The following LTBP2 variants were observed in gnomAD, a reference collection of about 807,000 sequenced individuals.
LTBP2 encodes latent transforming growth factor beta binding protein 2, also known as latent-transforming growth factor beta-binding protein 2.
LTBP2 carries 103 observed loss-of-function variants against 210.6 expected under a neutral mutation model. The observed-to-expected ratio is 0.49, with a 90% CI of 0.42 to 0.58. The LOEUF is 0.58. Among genes scored for constraint, LTBP2 ranks in the 20% least tolerant of loss-of-function variants. The probability of loss-of-function intolerance (pLI) is 0.00; values close to 1 mark genes in which losing one functional copy is unlikely to be tolerated. For synonymous variants in LTBP2, 1,007 were observed against 1,015.0 expected (o/e 0.99, Z 0.15); for missense variants, 2,313 against 2,494.5 (o/e 0.93, Z 1.55).
In LTBP2 at chr14:74,500,753, A is replaced by G. The variant is rs1451217188; in HGVS notation, c.*131T>C. ...GCCAGAGGCTAAGCTGGGAGAGATG[A>G]AAGCAGGCAAGGCTGATTGGAAACC... On this transcript the variant is annotated 3_prime_UTR_variant, in exon 36 of 36. Transcript: ENST00000261978. 2.1e-5 allele frequency: 27 copies of G among 1,263,424 alleles called. No individual in the cohort carries two copies. The highest frequency in any genetic ancestry group is 2.4e-5 in the Non-Finnish European group (21 of 872,244). 78.3% of individuals were successfully genotyped at this position (1,263,424 alleles called of 1,614,324 possible).
chr14:74,525,021 G>T (rs1054147452), intron 15 of LTBP2, 103 bp downstream of exon 15: 1 of 573,122 alleles, frequency 1.7e-6, no homozygotes, highest in Non-Finnish European at 2.9e-6. Context: ...AGTTGGAAAG[G>T]TGAGGGGGCA....
intron 20 of LTBP2, 63 bp from the exon 21 acceptor site, chr14:74,509,922 G>A: frequency 1.9e-6 from 3 of 1,612,598 alleles, no homozygotes; most frequent in Admixed American, 1.7e-5. Context: ...GACACTGGCA[G>A]GTAGGCAGGG....
chr14:74,508,348 C>T (rs1012512790), intron 24 of LTBP2, among the ~76,000 whole-genome samples: 1 of 152,094 alleles, frequency 6.6e-6, no homozygotes, highest in African/African-American at 2.4e-5. Context: ...GGGTGCATGC[C>T]TGCTGTCAAC....
chr14:74,509,759 C>T lies in LTBP2; in HGVS notation c.3252G>A (p.Val1084=), dbSNP rs762934733. ...ACSACENGYW[V]NEDGTACEDL... ...CTTCACAGGCAGTGCCGTCTTCATTCACCCAGTACCCGTTCTCACAGGCAG... is the reference window on the plus strand; with the variant it reads ...CTTCACAGGCAGTGCCGTCTTCATTTACCCAGTACCCGTTCTCACAGGCAG... Residue 1084 remains valine (V), a synonymous_variant, in exon 21 of 36, where the codon GTG becomes GTA. Coordinates refer to ENST00000261978, the MANE Select transcript of LTBP2 (RefSeq NM_000428.3). 2.5e-6 allele frequency: 4 copies of T among 1,613,910 alleles called. No individual in the cohort carries two copies. The Admixed American group carries it at 6.7e-5, about 27-fold the overall frequency.
At chr14:74,511,846 C>A (rs186642621) in intron 18 of LTBP2, among the ~76,000 whole-genome samples, 1 of 152,312 alleles carries the variant, frequency 6.6e-6, no homozygotes, top group Non-Finnish European at 1.5e-5. Context: ...ATGGAGGAAC[C>A]CCCAATCTTG....
At chr14:74,609,627 G>GC (rs1048749230) in intron 1 of LTBP2, among the ~76,000 whole-genome samples, 1 of 151,908 alleles carries the variant, frequency 6.6e-6, no homozygotes, top group Non-Finnish European at 1.5e-5. Context: ...TCACCTCCAG[G>GC]CCCCCCTCCT....
chr14:74,570,275 A>G (rs2087958119), intron 3 of LTBP2, among the ~76,000 whole-genome samples: 1 of 151,978 alleles, frequency 6.6e-6, no homozygotes, highest in Non-Finnish European at 1.5e-5. Context: ...GGACCCTTCC[A>G]CCCTCCATGA....
At chr14:74,573,247 C>G (rs1479507648) in intron 3 of LTBP2, among the ~76,000 whole-genome samples, 2 of 152,210 alleles carry the variant, frequency 1.3e-5, no homozygotes, top group Non-Finnish European at 2.9e-5. Context: ...TGGAATCGCC[C>G]TTACCCTCAG....
chr14:74,522,449 G>A (rs569011176), intron 16 of LTBP2, among the ~76,000 whole-genome samples: 1 of 152,166 alleles, frequency 6.6e-6, no homozygotes, highest in South Asian at 2.1e-4. Context: ...TTTGCAACTG[G>A]GGCAGTCCTG....
At position 74,501,582 on chromosome 14, in the gene LTBP2, C is replaced by T. The variant is rs377616549; in HGVS notation, c.5179G>A (p.Ala1727Thr). 2.0e-5 allele frequency: 33 copies of T among 1,614,032 alleles called. No individual in the cohort carries two copies. Among genetic ancestry groups the T allele is most frequent in the Non-Finnish European group, 2.7e-5 (32 of 1,180,010 alleles). Residue 1727 changes from alanine (A) to threonine (T), a missense_variant, in exon 35 of 36, where the codon GCC becomes ACC. Physicochemically the swap from Ala to Thr is moderately conservative, Grantham distance 58 (BLOSUM62 0). Transcript: ENST00000261978. The part of the protein sequence containing the change: ...HYVASHPEPP[A>T]GFEGLQAEEC... ...TCCGCCTGAAGCCCTTCGAAGCCGG[C>T]TGGGGGCTCTGGGAGGAGGAAATCG...
rs1374074753 is a variant in LTBP2, at chr14:74,529,059, G to A, written c.2051C>T (p.Thr684Ile). Reference sequence around the variant, plus strand: ...GGTGATCCGCTGGGCCAAAGGCAGGGTGCAGGTGCCGGGCCCCAGCGACCG... The same window carrying A: ...GGTGATCCGCTGGGCCAAAGGCAGGATGCAGGTGCCGGGCCCCAGCGACCG... ...CYRSLGPGTC[T>I]LPLAQRITKQ... Residue 684 changes from threonine (T) to isoleucine (I), a missense_variant, in exon 11 of 36, where the codon ACC (threonine) becomes ATC (isoleucine). By Grantham distance (89) the Thr-to-Ile change is moderately conservative (BLOSUM62 -1). Transcript: ENST00000261978. The A allele has an allele frequency of 3.2e-6, 5 of 1,565,834 alleles. No homozygotes were observed. Among genetic ancestry groups the A allele is most frequent in the East Asian group, 2.4e-5 (1 of 42,200 alleles).
chr14:74,586,255 A>G lies in LTBP2; in HGVS notation c.566-137T>C. ...AGCAGGAAGCCACTCTCCTGGCCTC[A>G]GGGGGCTCCCTGACCCATGTCTCTC... On this transcript the variant is annotated intron_variant, in intron 2 of 35. Coordinates refer to ENST00000261978, the MANE Select transcript of LTBP2 (RefSeq NM_000428.3). The surrounding 1 kb of genome is among the most constrained non-coding windows in gnomAD (Gnocchi z 4.6). 6 of 970,990 alleles carry G rather than the reference A, an allele frequency of 6.2e-6. No homozygotes were observed. The highest frequency in any genetic ancestry group is 2.6e-5 in the East Asian group (1 of 37,986). The allele number at this position is 970,990 out of a possible 1,614,324, so 60.1% of individuals were successfully genotyped here. A position where few individuals can be genotyped will look rare whatever the true frequency, so the allele number is the denominator to read the frequency against.
At chr14:74,537,841 A>G (rs532918481) in intron 8 of LTBP2, among the ~76,000 whole-genome samples, 1 of 152,032 alleles carries the variant, frequency 6.6e-6, no homozygotes, top group South Asian at 2.1e-4. Flanking sequence ...TGCAACCTCC[A>G]CTTCCTGGGT....
Position 74,529,121 on chromosome 14 carries a change from C to T in LTBP2, c.1989G>A (p.Ser663=), listed in dbSNP as rs765564237. ...CCTGCAGCATGGAGATTGCCTTGTC[C>T]GCTGCAACAGACACAGCACGTGGAG... ...MLDPSRSRCV[S]DKAISMLQGL... The change falls in exon 11 of 36, where the codon TCG becomes TCA. Residue 663 remains serine (S), a splice_region_variant and synonymous_variant. Coordinates refer to ENST00000261978, the MANE Select transcript of LTBP2 (RefSeq NM_000428.3). 1.6e-5 allele frequency: 25 copies of T among 1,551,386 alleles called. No individual in the cohort carries two copies. Among genetic ancestry groups the T allele is most frequent in the South Asian group, 1.2e-4 (10 of 84,092 alleles).
intron 3 of LTBP2, among the ~76,000 whole-genome samples, chr14:74,582,897 G>A (rs2088156556): frequency 6.6e-6 from 1 of 152,214 alleles, no homozygotes; most frequent in Admixed American, 6.5e-5. Context: ...CTGGTTGCAG[G>A]TTCCTGTAAC....
At chr14:74,558,672 G>T (rs2087758374) in intron 3 of LTBP2, among the ~76,000 whole-genome samples, 2 of 152,192 alleles carry the variant, frequency 1.3e-5, no homozygotes, top group South Asian at 4.1e-4. Context: ...CTTTCTTGGT[G>T]GTTTGTTGTC....
chr14:74,593,084 A>G (rs1263040953), intron 2 of LTBP2, among the ~76,000 whole-genome samples: 1 of 152,254 alleles, frequency 6.6e-6, no homozygotes. Context: ...AAAGCAAGAA[A>G]TAAAAGGCAT....
intron 2 of LTBP2, among the ~76,000 whole-genome samples, chr14:74,589,367 C>T (rs1226271481): frequency 6.6e-6 from 1 of 152,066 alleles, no homozygotes; most frequent in African/African-American, 2.4e-5. Flanking sequence ...ACCAGAGACA[C>T]AAAGGATGAA....
At position 74,611,524 on chromosome 14, in the gene LTBP2, C is replaced by T; in HGVS notation, c.421G>A (p.Ala141Thr). 3 of 1,543,406 alleles carry T rather than the reference C, an allele frequency of 1.9e-6. No homozygotes were observed. The highest frequency in any genetic ancestry group is 2.6e-6 in the Non-Finnish European group (3 of 1,154,170). The change falls in exon 1 of 36, where the codon GCT (alanine) becomes ACT (threonine). Residue 141 changes from alanine (A) to threonine (T), a missense_variant. Coordinates refer to ENST00000261978, the MANE Select transcript of LTBP2 (RefSeq NM_000428.3). ...QPAPRTRAAP[A>T]LPRLGTPQRS... ...TGTGGGGTCCCCAGGCGTGGGAGAG[C>T]CGGCGCGGCCCGGGTCCGGGGTGCT...
Sources: gnomAD v4.1 joint callset for allele counts (sites outside exome capture counted in the v4.1 genomes callset) on GRCh38, gnomAD v4.1.1 for gene constraint, Gnocchi (gnomAD v3.1) non-coding constraint, MANE v1.5 for transcripts, NCBI Gene and HGNC (gene_info 2026-07-23, HGNC 2026-07-21) for gene names.